MACROD2: variants seen among roughly 807,000 people sequenced by gnomAD.
MACROD2 encodes mono-ADP ribosylhydrolase 2.
Under a neutral mutation model 70.4 loss-of-function variants are expected in MACROD2, and 36 were observed. The ratio of observed to expected loss-of-function variants is 0.51; its 90% CI spans 0.39 to 0.68. The LOEUF (loss-of-function observed/expected upper bound fraction) is 0.68, where lower values mean the gene tolerates loss of function less well. Among genes scored for constraint, MACROD2 ranks in the 30% least tolerant of loss-of-function variants. MACROD2 has a pLI of 0.00. For synonymous variants in MACROD2, 172 were observed against 178.8 expected, an observed-to-expected ratio of 0.96 and a Z score of 0.30; for missense variants, 496 against 538.4, an observed-to-expected ratio of 0.92 and a Z score of 0.78.
chr20:15,446,822 G>T (rs2046572257), intron 7 of MACROD2, among the ~76,000 whole-genome samples: 2 of 152,144 alleles, frequency 1.3e-5, no homozygotes, highest in African/African-American at 2.4e-5. Context: ...TAGTGAAAAA[G>T]ATAGAAGTGC....
intron 6 of MACROD2, among the ~76,000 whole-genome samples, chr20:15,415,269 G>T (rs1028252473): frequency 1.3e-5 from 2 of 152,178 alleles, no homozygotes; most frequent in African/African-American, 4.8e-5. Flanking sequence ...TGTAGGGTGG[G>T]GAAATTTTGG....
At chr20:15,100,743 C>T (rs2075865908) in intron 5 of MACROD2, among the ~76,000 whole-genome samples, 1 of 152,082 alleles carries the variant, frequency 6.6e-6, no homozygotes, top group South Asian at 2.1e-4. Flanking sequence ...TTCTGCAGAT[C>T]AGAGCTCTGT....
intron 5 of MACROD2, among the ~76,000 whole-genome samples, chr20:15,204,162 C>T (rs2076681331): frequency 6.6e-6 from 1 of 152,046 alleles, no homozygotes. Flanking sequence ...CATGACCAGC[C>T]AAGCATCTAT....
intron 8 of MACROD2, among the ~76,000 whole-genome samples, chr20:15,788,488 A>G (rs1164851455): frequency 6.6e-6 from 1 of 152,140 alleles, no homozygotes; most frequent in Admixed American, 6.5e-5. Context: ...TCACATGATG[A>G]CCTTCTCACC....
chr20:14,037,131 T>C (rs1408163281), intron 2 of MACROD2, among the ~76,000 whole-genome samples: 1 of 152,188 alleles, frequency 6.6e-6, no homozygotes, highest in Non-Finnish European at 1.5e-5. Context: ...GGGTATTATA[T>C]ACCTGGTTAT....
intron 3 of MACROD2, chr20:14,327,076 C>G: frequency 6.2e-7 from 1 of 1,613,712 alleles, no homozygotes. Flanking sequence ...CTCTTCTATG[C>G]TAACTGCAGA....
intron 3 of MACROD2, among the ~76,000 whole-genome samples, chr20:14,380,937 A>G (rs2083414740): frequency 6.6e-6 from 1 of 152,116 alleles, no homozygotes; most frequent in Non-Finnish European, 1.5e-5. Context: ...AGTATTCAGT[A>G]TTTATTTGTC....
chr20:14,189,296 A>C (rs1485734895), intron 3 of MACROD2, among the ~76,000 whole-genome samples: 1 of 152,202 alleles, frequency 6.6e-6, no homozygotes, highest in Non-Finnish European at 1.5e-5. Context: ...ATTGAACATA[A>C]GACACCAAGC....
intron 3 of MACROD2, among the ~76,000 whole-genome samples, chr20:14,127,197 C>G (rs985953156): frequency 6.6e-6 from 1 of 152,094 alleles, no homozygotes; most frequent in Non-Finnish European, 1.5e-5. Context: ...ATATAGAGAA[C>G]GTTTTATTGG....
intron 5 of MACROD2, among the ~76,000 whole-genome samples, chr20:14,758,465 A>G (rs1360489863): frequency 6.6e-6 from 1 of 152,192 alleles, no homozygotes; most frequent in Admixed American, 6.5e-5. Context: ...AGGCCTGTGA[A>G]TTTGGTAATG....
chr20:14,802,641 T>C (rs2072590999), intron 5 of MACROD2, among the ~76,000 whole-genome samples: 1 of 152,020 alleles, frequency 6.6e-6, no homozygotes, highest in African/African-American at 2.4e-5. Context: ...ATGAAGTAAA[T>C]AATGATGAGG....
At chr20:14,957,391 G>T (rs2074546481) in intron 5 of MACROD2, among the ~76,000 whole-genome samples, 1 of 152,116 alleles carries the variant, frequency 6.6e-6, no homozygotes, top group South Asian at 2.1e-4. Context: ...GTCTGTTCTG[G>T]AATTATAATA....
At chr20:15,797,031 C>T (rs2063679900) in intron 8 of MACROD2, among the ~76,000 whole-genome samples, 1 of 152,156 alleles carries the variant, frequency 6.6e-6, no homozygotes, top group Non-Finnish European at 1.5e-5. Flanking sequence ...TTTAGGTGCT[C>T]AAAAATGTCC....
At chr20:15,201,063 C>T (rs945881823) in intron 5 of MACROD2, among the ~76,000 whole-genome samples, 2 of 152,168 alleles carry the variant, frequency 1.3e-5, no homozygotes, top group Non-Finnish European at 2.9e-5. Context: ...GGTGCTGCTG[C>T]TGCTGCTGAT....
At chr20:15,222,385 C>T (rs1329419167) in intron 5 of MACROD2, among the ~76,000 whole-genome samples, 1 of 152,190 alleles carries the variant, frequency 6.6e-6, no homozygotes, top group African/African-American at 2.4e-5. Context: ...GCAGCATTTA[C>T]TTTGTAATGC....
intron 6 of MACROD2, among the ~76,000 whole-genome samples, chr20:15,303,595 G>A (rs1462132899): frequency 4.6e-5 from 7 of 152,094 alleles, no homozygotes; most frequent in East Asian, 1.9e-4. Context: ...CTCTGCCAGC[G>A]TCTCACTTTT....
intron 4 of MACROD2, among the ~76,000 whole-genome samples, chr20:14,527,807 T>G (rs2123195864): frequency 6.6e-6 from 1 of 152,332 alleles, no homozygotes; most frequent in African/African-American, 2.4e-5. Flanking sequence ...CTGTAAGATT[T>G]GATAATGCAC....
At chr20:15,396,460 A>G (rs1199343318) in intron 6 of MACROD2, among the ~76,000 whole-genome samples, 1 of 152,208 alleles carries the variant, frequency 6.6e-6, no homozygotes, top group Non-Finnish European at 1.5e-5. Context: ...AATTATGAAG[A>G]AGCAAGTCTT....
chr20:14,596,199 C>T (rs918016524), intron 4 of MACROD2, among the ~76,000 whole-genome samples: 3 of 151,390 alleles, frequency 2.0e-5, no homozygotes, highest in African/African-American at 4.9e-5. Context: ...CATTCTCCTG[C>T]CTCAGCCTCC....
Sources: gnomAD v4.1 joint callset for allele counts (sites outside exome capture counted in the v4.1 genomes callset) on GRCh38, gnomAD v4.1.1 for gene constraint, MANE v1.5 for transcripts, NCBI Gene and HGNC (gene_info 2026-07-23, HGNC 2026-07-21) for gene names.